Variants in MCF2L2 observed in about 807,000 individuals in gnomAD.
MCF2L2 encodes the protein MCF.2 cell line derived transforming sequence-like 2, also known as probable guanine nucleotide exchange factor MCF2L2.
MCF2L2 carries 102 observed loss-of-function variants against 150.2 expected under a neutral mutation model. The ratio of observed to expected loss-of-function variants is 0.68; its 90% CI spans 0.58 to 0.80. The LOEUF (loss-of-function observed/expected upper bound fraction) is 0.80. Among genes scored for constraint, MCF2L2 ranks in the 30% least tolerant of loss-of-function variants. The pLI is 0.00. For missense variants in MCF2L2, 1,256 were observed against 1,372.8 expected (o/e 0.91, Z 1.34); for synonymous variants, 465 against 491.3 (o/e 0.95, Z 0.71).
At chr3:183,255,890 G>A (rs937018664) in intron 15 of MCF2L2, among the ~76,000 whole-genome samples, 4 of 151,958 alleles carry the variant, frequency 2.6e-5, no homozygotes, top group Admixed American at 6.6e-5. Context: ...TTTTGAAATG[G>A]GTCATCTTTT....
intron 15 of MCF2L2, chr3:183,272,369 A>G: frequency 1.0e-6 from 1 of 1,000,304 alleles, no homozygotes; most frequent in Non-Finnish European, 1.2e-6. Context: ...TTGACTGCAG[A>G]GGCACCTGTT....
intron 15 of MCF2L2, among the ~76,000 whole-genome samples, chr3:183,238,921 C>T (rs1198386096): frequency 3.4e-5 from 5 of 147,274 alleles, no homozygotes; most frequent in Non-Finnish European, 7.5e-5. Flanking sequence ...GGCGTGGACC[C>T]CGGAGGTGGA....
chr3:183,373,052 C>G (rs1712982776), intron 3 of MCF2L2: 1 of 152,184 alleles, frequency 6.6e-6, no homozygotes. Context: ...GACCATCTGG[C>G]TCTACTCTGT....
chr3:183,377,286 T>A (rs548419616), intron 3 of MCF2L2: 1 of 152,298 alleles, frequency 6.6e-6, no homozygotes, highest in Non-Finnish European at 1.5e-5. Flanking sequence ...AGTGAGAACA[T>A]GTGGTGTTTG....
intron 27 of MCF2L2, chr3:183,182,840 GC>G (rs1328151732): frequency 6.6e-6 from 1 of 152,294 alleles, no homozygotes; most frequent in Non-Finnish European, 1.5e-5. Flanking sequence ...CTCACAGGGT[GC>G]CCCGCCAGGG....
At chr3:183,301,522 T>G (rs1244339196) in intron 10 of MCF2L2, among the ~76,000 whole-genome samples, 1 of 152,072 alleles carries the variant, frequency 6.6e-6, no homozygotes, top group Admixed American at 6.5e-5. Context: ...GGCCGGGCTG[T>G]GGTGGCTCAC....
chr3:183,328,955 T>C (rs1217423560), intron 5 of MCF2L2, among the ~76,000 whole-genome samples: 2 of 152,050 alleles, frequency 1.3e-5, no homozygotes, highest in Admixed American at 6.6e-5. Flanking sequence ...CATTAGGAAA[T>C]AGCAAATTAA....
rs1239527292 is a variant in MCF2L2, at chr3:183,289,216, A to G, written c.1680T>C (p.Pro560=). 1 of 1,605,612 alleles carries G rather than the reference A, an allele frequency of 6.2e-7. No homozygotes were observed. Among genetic ancestry groups the G allele is most frequent in the Admixed American group, 1.7e-5 (1 of 59,916 alleles). Residue 560 remains proline (P), a synonymous_variant, in exon 14 of 30, where the codon CCT becomes CCC. Coordinates refer to ENST00000328913, the MANE Select transcript of MCF2L2 (RefSeq NM_015078.4). ...SKTSQPSTSV[P]LARPLRTSEE... ...CAGACGTTCTCAGAGGACGAGCTAG[A>G]GGGACTAAGAGAACCTGCCATTAGT...
At chr3:183,251,708 T>C (rs1163004863) in intron 15 of MCF2L2, among the ~76,000 whole-genome samples, 2 of 152,162 alleles carry the variant, frequency 1.3e-5, no homozygotes, top group African/African-American at 4.8e-5. Context: ...TAACTGAGCA[T>C]AGCACCATCA....
chr3:183,212,897 C>T (rs1722782634), intron 22 of MCF2L2, among the ~76,000 whole-genome samples: 1 of 131,474 alleles, frequency 7.6e-6, no homozygotes, highest in African/African-American at 3.0e-5. Context: ...GTGCCTTACC[C>T]ATCATTTAAT....
At chr3:183,244,342 C>A (rs1313797384) in intron 15 of MCF2L2, among the ~76,000 whole-genome samples, 1 of 152,124 alleles carries the variant, frequency 6.6e-6, no homozygotes, top group African/African-American at 2.4e-5. Context: ...TTGCCAGGGG[C>A]TCTTTGGCAC....
In MCF2L2 at chr3:183,216,568, ATATATATATATATTTTTTTTTT is replaced by A. The variant is rs1337236339; in HGVS notation, c.2371-496_2371-475del. Among the ~76,000 whole-genome samples, 44 of 6,992 alleles carry A rather than the reference ATATATATATATATTTTTTTTTT, an allele frequency of 6.3e-3. 2 individuals carry two copies. The highest frequency in any genetic ancestry group is 0.016 in the South Asian group (2 of 128). 4.6% of individuals were successfully genotyped at this position (6,992 alleles called of 152,430 possible). ...GTATATATATTATATATATATATAT[ATATATATATATATTTTTTTTTT>A]TTTTTTTTTTTTTTTTTTTTTTTTT... On this transcript the variant is annotated intron_variant, in intron 21 of 29. Transcript: ENST00000328913.
At position 183,192,979 on chromosome 3, in the gene MCF2L2, T is replaced by TGG; in HGVS notation, c.3016+19_3016+20insCC. 2 of 1,598,940 alleles carry TGG rather than the reference T, an allele frequency of 1.3e-6. No homozygotes were observed. The highest frequency in any genetic ancestry group is 1.7e-6 in the Non-Finnish European group (2 of 1,166,690). On this transcript the variant is annotated intron_variant, in intron 27 of 29. Coordinates refer to ENST00000328913, the MANE Select transcript of MCF2L2 (RefSeq NM_015078.4). ...ACCCCACTGCTTCTGTGCTCCACTC[T>TGG]CCCATGGGACCCTCCCTACCTTTAA...
intron 21 of MCF2L2, 29 bp from the exon 22 acceptor site, chr3:183,216,123 T>C (rs771513901): frequency 1.2e-6 from 2 of 1,609,800 alleles, no homozygotes; most frequent in South Asian, 2.2e-5. Context: ...TTGTTGGAAA[T>C]CAAAAGTATA....
At chr3:183,351,226 A>ATT (rs1439911660) in intron 3 of MCF2L2, among the ~76,000 whole-genome samples, 11 of 89,822 alleles carry the variant, frequency 1.2e-4, no homozygotes, top group East Asian at 3.9e-4. Flanking sequence ...ATATATATAT[A>ATT]TATATATATA....
intron 15 of MCF2L2, among the ~76,000 whole-genome samples, chr3:183,269,093 A>ATTTTC (rs1452243807): frequency 4.6e-5 from 7 of 151,758 alleles, no homozygotes; most frequent in Non-Finnish European, 7.4e-5. Flanking sequence ...ACTGCTGTGA[A>ATTTTC]TTTTCTTTTC....
chr3:183,211,297 C>T (rs902725603), intron 22 of MCF2L2, among the ~76,000 whole-genome samples: 3 of 152,114 alleles, frequency 2.0e-5, no homozygotes, highest in Non-Finnish European at 2.9e-5. Flanking sequence ...GCTTTGCCAT[C>T]GTGACTTCTT....
intron 3 of MCF2L2, among the ~76,000 whole-genome samples, chr3:183,350,643 G>A (rs1490677248): frequency 1.3e-5 from 2 of 152,144 alleles, no homozygotes; most frequent in African/African-American, 4.8e-5. Flanking sequence ...GGGGGCTCAC[G>A]CCTGTAATCC....
At chr3:183,192,926 C>A (rs940911634) in intron 27 of MCF2L2, 73 bp downstream of exon 27, 2 of 1,127,914 alleles carry the variant, frequency 1.8e-6, no homozygotes, top group African/African-American at 1.5e-5. Context: ...TAGGTGATGT[C>A]TTCCTTAGCA....
Sources: allele counts gnomAD v4.1 joint callset (sites outside exome capture counted in the v4.1 genomes callset), GRCh38; gene constraint gnomAD v4.1.1; transcripts MANE v1.5; gene names NCBI Gene and HGNC (gene_info 2026-07-23, HGNC 2026-07-21).